The following LTF variants were observed in gnomAD, a reference collection of about 807,000 sequenced individuals.
LTF encodes the protein lactotransferrin.
A neutral mutation model predicts 87.2 loss-of-function variants in LTF; 91 were observed. That is an observed-to-expected ratio of 1.04 (90% CI 0.88 to 1.24). LTF has a LOEUF of 1.24. Ranked by LOEUF, LTF falls within the 50% of genes most tolerant of loss-of-function variation. LTF has a pLI of 0.00. For missense variants in LTF, 901 were observed against 904.3 expected (o/e 1.00, Z 0.05); for synonymous variants, 378 against 356.1 (o/e 1.06, Z -0.69).
intron 1 of LTF, among the ~76,000 whole-genome samples, chr3:46,476,186 A>C (rs911178651): frequency 6.6e-6 from 1 of 152,188 alleles, no homozygotes; most frequent in African/African-American, 2.4e-5. Flanking sequence ...GTGATTTTGC[A>C]CTAGATGGGA....
rs769698931 is a variant in LTF at position 46,456,407 on chromosome 3, A to G, written c.208-9T>C. The G allele has an allele frequency of 1.2e-6, 2 of 1,611,422 alleles. No individual in the cohort carries two copies. The highest frequency in any genetic ancestry group is 8.5e-7 in the Non-Finnish European group (1 of 1,177,684). On this transcript the variant is annotated splice_polypyrimidine_tract_variant and intron_variant, in intron 2 of 16. Coordinates refer to ENST00000231751, the MANE Select transcript of LTF (RefSeq NM_002343.6). Reference sequence around the variant, plus strand: ...GCATCGGCCCTGTTTTCCTGAAAGTAAAGAGGCCAGACTGGCTTCAGCAGA... The same window carrying G: ...GCATCGGCCCTGTTTTCCTGAAAGTGAAGAGGCCAGACTGGCTTCAGCAGA...
chr3:46,458,453 A>T (rs536432526), intron 2 of LTF, among the ~76,000 whole-genome samples: 15 of 151,936 alleles, frequency 9.9e-5, no homozygotes, highest in African/African-American at 3.1e-4. Context: ...CTTGGACAGG[A>T]TCTTATTTTA....
chr3:46,467,518 G>C (rs760346195), upstream of LTF, among the ~76,000 whole-genome samples: 1 of 152,124 alleles, frequency 6.6e-6, no homozygotes, highest in Non-Finnish European at 1.5e-5. Context: ...ATTCTGTAAA[G>C]TAAACAACCA....
chr3:46,448,864 A>G lies in LTF; in HGVS notation c.1211T>C (p.Leu404Pro), dbSNP rs1702723547. ...CGCCCCTGTGATGGAGCTCCCTACCAGCACCAGGGCGATGCAGTCCTCTGT... is the reference window on the plus strand; with the variant it reads ...CGCCCCTGTGATGGAGCTCCCTACCGGCACCAGGGCGATGCAGTCCTCTGT... The part of the protein sequence containing the change: ...STTEDCIALV[L>P]KGEADAMSLD... Residue 404 changes from leucine (L) to proline (P), a missense_variant and splice_region_variant, in exon 9 of 17, where the codon CTG becomes CCG. Coordinates refer to ENST00000231751, the MANE Select transcript of LTF (RefSeq NM_002343.6). 1 of 1,611,982 alleles carries G rather than the reference A, an allele frequency of 6.2e-7. No homozygotes were observed. Among genetic ancestry groups the G allele is most frequent in the Non-Finnish European group, 8.5e-7 (1 of 1,179,432 alleles).
chr3:46,451,157 T>C (rs147491969), intron 6 of LTF, among the ~76,000 whole-genome samples: 1 of 152,322 alleles, frequency 6.6e-6, no homozygotes, highest in Non-Finnish European at 1.5e-5. Flanking sequence ...AATGGTTTTA[T>C]GAATGAGTTC....
rs1302918910 is a variant in LTF at position 46,439,302 on chromosome 3, G to A, written c.1902C>T (p.His634=). ...KVERLKQVLL[H]QQAKFGRNGS... is the part of the protein sequence containing the mutation. ...GAAGCCCTGTGGTCCATACCTGTTG[G>A]TGGAGCAACACCTGTTTCAGGCGTT... Residue 634 remains histidine (H), a synonymous_variant, in exon 15 of 17, where the codon CAC becomes CAT. Coordinates refer to ENST00000231751, the MANE Select transcript of LTF (RefSeq NM_002343.6). 1 of 1,610,712 alleles carries A rather than the reference G, an allele frequency of 6.2e-7. No individual in the cohort carries two copies.
At chr3:46,450,937 G>A (rs1426670048) in intron 6 of LTF, among the ~76,000 whole-genome samples, 1 of 152,160 alleles carries the variant, frequency 6.6e-6, no homozygotes, top group Admixed American at 6.6e-5. Context: ...TGCCTGGCAG[G>A]CCAGAGAGGC....
chr3:46,446,461 AG>A lies in LTF; in HGVS notation c.1335del (p.Cys446ValfsTer27). On this transcript the variant is annotated frameshift_variant, in exon 11 of 17. Transcript: ENST00000231751. LOFTEE classifies it high-confidence loss of function. ...KSQQSSDPDPNCVDRPVEGYL... is the reference protein window; with the variant it reads ...KSQQSSDPDPXCVDRPVEGYL... ...TCACCTTCCACAGGTCTATCCACAC[AG>A]TTAGGATCAGGGTCACTGCTTTGTT... 1 of 1,613,970 alleles carries A rather than the reference AG, an allele frequency of 6.2e-7. No individual in the cohort carries two copies. Among genetic ancestry groups the A allele is most frequent in the Non-Finnish European group, 8.5e-7 (1 of 1,179,900 alleles).
chr3:46,436,129 G>C lies in LTF; in HGVS notation c.*66C>G. Reference sequence around the variant, plus strand: ...GGAGGCCAAGGCCCCAACACACCTGGGGAGAAGAGCTGGGGGCAGTGAATG... The same window carrying C: ...GGAGGCCAAGGCCCCAACACACCTGCGGAGAAGAGCTGGGGGCAGTGAATG... On this transcript the variant is annotated 3_prime_UTR_variant, in exon 17 of 17. Transcript: ENST00000231751. The C allele has an allele frequency of 6.6e-7, 1 of 1,523,896 alleles. No homozygotes were observed. Among genetic ancestry groups the C allele is most frequent in the Non-Finnish European group, 9.1e-7 (1 of 1,098,034 alleles). The allele number at this position is 1,523,896 out of a possible 1,614,324, so 94.4% of individuals were successfully genotyped here. A position where few individuals can be genotyped will look rare whatever the true frequency, so the allele number is the denominator to read the frequency against.
At chr3:46,456,536 C>A in intron 2 of LTF, 138 bp from the exon 3 acceptor site, 1 of 633,810 alleles carries the variant, frequency 1.6e-6, no homozygotes. Flanking sequence ...CCCTCACTTC[C>A]TATGAGAGAT....
chr3:46,456,272 T>A lies in LTF; in HGVS notation c.316+18A>T. 2 of 1,610,194 alleles carry A rather than the reference T, an allele frequency of 1.2e-6. No homozygotes were observed. The highest frequency in any genetic ancestry group is 2.2e-5 in the East Asian group (1 of 44,860). ...GGCTGAGGCCACCGTGGCCTCTGGG[T>A]CCCCAGGCAGAACTCACGTCTTTCG... is the stretch of plus-strand genomic sequence containing the variant. On this transcript the variant is annotated intron_variant, in intron 3 of 16. Coordinates refer to ENST00000231751, the MANE Select transcript of LTF (RefSeq NM_002343.6).
At chr3:46,455,202 A>G in intron 5 of LTF, 93 bp downstream of exon 5, 1 of 1,479,176 alleles carries the variant, frequency 6.8e-7, no homozygotes, top group East Asian at 2.3e-5. Flanking sequence ...CCCCAAGAGC[A>G]GGCTGGGCTC....
In LTF at chr3:46,439,378, T is replaced by C. The variant is rs750159077; in HGVS notation, c.1826A>G (p.His609Arg). The C allele has an allele frequency of 1.9e-5, 30 of 1,614,234 alleles. No homozygotes were observed. The Admixed American group carries it at 4.3e-4, about 23-fold the overall frequency. ...GGCATGATTCGGGGCCATGGCAAGA[T>C]GGCAGCTTCTAGCCTCAGTCACAGG... ...RKPVTEARSC[H>R]LAMAPNHAVV... The change falls in exon 15 of 17, where the codon CAT (histidine) becomes CGT (arginine). Residue 609 changes from histidine to arginine, a missense_variant. By Grantham distance (29) the His-to-Arg change is conservative (BLOSUM62 0). Transcript: ENST00000231751.
At position 46,450,515 on chromosome 3, in the gene LTF, T is replaced by C; in HGVS notation, c.862A>G (p.Asn288Asp). 1 of 1,613,030 alleles carries C rather than the reference T, an allele frequency of 6.2e-7. No homozygotes were observed. Among genetic ancestry groups the C allele is most frequent in the African/African-American group, 1.3e-5 (1 of 74,978 alleles). ...SVNGKEDAIW[N>D]LLRQAQEKFG... ...GATACCTGTGCCTGGCGGAGAAGAT[T>C]CCAGATGGCATCCTCCTTGCCATTC... Residue 288 changes from asparagine (N) to aspartate (D), a missense_variant, in exon 7 of 17, where the codon AAT (asparagine) becomes GAT (aspartate). Coordinates refer to ENST00000231751, the MANE Select transcript of LTF (RefSeq NM_002343.6).
At chr3:46,456,184 G>T in intron 3 of LTF, 106 bp downstream of exon 3, 1 of 1,051,680 alleles carries the variant, frequency 9.5e-7, no homozygotes, top group Non-Finnish European at 1.4e-6. Context: ...CTACATGTGT[G>T]ATGTGACCCA....
At chr3:46,459,086 G>A (rs1302599448) in intron 2 of LTF, among the ~76,000 whole-genome samples, 5 of 152,220 alleles carry the variant, frequency 3.3e-5, no homozygotes, top group Non-Finnish European at 5.9e-5. Context: ...GAATATATTT[G>A]TTGAATGAAT....
upstream of LTF, among the ~76,000 whole-genome samples, chr3:46,469,218 A>T (rs1250666094): frequency 6.6e-6 from 1 of 152,238 alleles, no homozygotes; most frequent in Non-Finnish European, 1.5e-5. Context: ...AGTGAGTGAG[A>T]TACAACTGCT....
chr3:46,472,155 T>C (rs1443338805), intron 1 of LTF, among the ~76,000 whole-genome samples: 1 of 152,132 alleles, frequency 6.6e-6, no homozygotes, highest in Non-Finnish European at 1.5e-5. Flanking sequence ...CTTATTCAGC[T>C]AAAACCAGAA....
intron 6 of LTF, chr3:46,453,976 C>T (rs1000017362): frequency 6.4e-6 from 2 of 313,376 alleles, no homozygotes; most frequent in African/African-American, 2.1e-5. Context: ...TTCTAATGCT[C>T]ACTAAAACCT....
Sources: gnomAD v4.1 joint callset for allele counts (sites outside exome capture counted in the v4.1 genomes callset) on GRCh38, gnomAD v4.1.1 for gene constraint, MANE v1.5 for transcripts, NCBI Gene and HGNC (gene_info 2026-07-23, HGNC 2026-07-21) for gene names.